SHPRH: variants seen among roughly 807,000 people sequenced by gnomAD.
The protein encoded by SHPRH is E3 ubiquitin-protein ligase SHPRH.
A neutral mutation model predicts 202.5 loss-of-function variants in SHPRH; 106 were observed. That is an observed-to-expected ratio of 0.52 (90% CI 0.45 to 0.62). The LOEUF is 0.62. Among genes scored for constraint, SHPRH ranks in the 20% least tolerant of loss-of-function variants. The pLI, the probability that SHPRH is intolerant of heterozygous loss-of-function variation, is 0.00. For synonymous variants in SHPRH, 729 were observed against 686.0 expected, an observed-to-expected ratio of 1.06 and a Z score of -0.98; for missense variants, 1,710 against 2,020.0, an observed-to-expected ratio of 0.85 and a Z score of 2.94.
At chr6:145,873,633 T>C (rs888088982) in intron 2 of SHPRH, among the ~76,000 whole-genome samples, 1 of 145,730 alleles carries the variant, frequency 6.9e-6, no homozygotes, top group Non-Finnish European at 1.5e-5. Flanking sequence ...CCCAGCAGCA[T>C]ACTGTAATTG....
At chr6:145,918,727 T>C (rs1379763205) in intron 22 of SHPRH, 5 of 152,762 alleles carry the variant, frequency 3.3e-5, no homozygotes, top group African/African-American at 1.2e-4. Context: ...TTAAGTGAGA[T>C]AGTATATAAT....
At chr6:145,882,570 G>T (rs924859344), downstream of SHPRH, among the ~76,000 whole-genome samples, 14 of 152,232 alleles carry the variant, frequency 9.2e-5, no homozygotes, top group South Asian at 8.3e-4. Context: ...ATTTACCAAA[G>T]AAGACATAAT....
At chr6:145,924,903 T>A in intron 16 of SHPRH, 57 bp from the exon 17 acceptor site, 1 of 1,412,934 alleles carries the variant, frequency 7.1e-7, no homozygotes, top group Non-Finnish European at 9.9e-7. Flanking sequence ...TAATTCAGTA[T>A]GATGTTTCAA....
At position 145,940,670 on chromosome 6, in the gene SHPRH, T is replaced by TA. The variant is rs960060033; in HGVS notation, c.2569+52dup. Reference sequence around the variant, plus strand: ...TTAAGCATAACAATACTTTTCTCTCTAAAAAATGAAGCTTTTCAAATGCAT... The same window carrying TA: ...TTAAGCATAACAATACTTTTCTCTCTAAAAAAATGAAGCTTTTCAAATGCAT... On this transcript the variant is annotated intron_variant, in intron 11 of 29. Coordinates refer to ENST00000275233, the MANE Select transcript of SHPRH (RefSeq NM_001042683.3). The TA allele has an allele frequency of 1.1e-5, 17 of 1,575,000 alleles. No individual in the cohort carries two copies. The Admixed American group carries it at 1.3e-4, about 12-fold the overall frequency.
chr6:145,915,124 T>C (rs1340052275), intron 23 of SHPRH, among the ~76,000 whole-genome samples: 3 of 147,368 alleles, frequency 2.0e-5, no homozygotes, highest in Non-Finnish European at 4.5e-5. Context: ...TAATAAAATA[T>C]AATTATAAAT....
At chr6:145,881,780 A>C (rs193075294), downstream of SHPRH, 1 of 152,354 alleles carries the variant, frequency 6.6e-6, no homozygotes, top group Admixed American at 6.5e-5. Context: ...AAGATTGAAA[A>C]AAAGGAAGTA....
At chr6:145,939,662 A>G (rs189126016) in intron 11 of SHPRH, among the ~76,000 whole-genome samples, 20 of 152,340 alleles carry the variant, frequency 1.3e-4, no homozygotes, top group Admixed American at 6.5e-4. Flanking sequence ...ACAGTTTCCA[A>G]ACATGAAAGG....
chr6:145,933,954 G>C (rs762088070), intron 13 of SHPRH, among the ~76,000 whole-genome samples: 2 of 152,084 alleles, frequency 1.3e-5, no homozygotes, highest in Non-Finnish European at 2.9e-5. Flanking sequence ...AATAAAATAA[G>C]AGCAAAAGCC....
At chr6:145,959,521 G>A (rs1257126912) in intron 1 of SHPRH, among the ~76,000 whole-genome samples, 2 of 151,940 alleles carry the variant, frequency 1.3e-5, no homozygotes, top group Admixed American at 1.3e-4. Flanking sequence ...CTCTTAAGAT[G>A]TTCACACAAC....
Position 145,951,411 on chromosome 6 carries a change from A to G in SHPRH, c.764-929T>C, listed in dbSNP as rs1025387151. Among the ~76,000 whole-genome samples the G allele has an allele frequency of 3.3e-5, 5 of 152,186 alleles. No homozygotes were observed. In the South Asian group the frequency reaches 1.0e-3, roughly 32 times the overall value. On this transcript the variant is annotated intron_variant, in intron 3 of 29. Transcript: ENST00000275233. ...TTTTTTCCAATAAATATGCCATGTAAAATTTCCAAAACTTCACAATTAATG... is the reference window on the plus strand; with the variant it reads ...TTTTTTCCAATAAATATGCCATGTAGAATTTCCAAAACTTCACAATTAATG...
chr6:145,902,071 T>C (rs1782553659), intron 25 of SHPRH, among the ~76,000 whole-genome samples: 1 of 152,072 alleles, frequency 6.6e-6, no homozygotes, highest in African/African-American at 2.4e-5. Context: ...TCTGCTCAAG[T>C]CAGCAGCCAG....
chr6:145,923,894 T>C (rs1784638790), intron 17 of SHPRH, 109 bp from the exon 18 acceptor site: 2 of 1,099,154 alleles, frequency 1.8e-6, no homozygotes, highest in Non-Finnish European at 1.3e-6. Context: ...ATAAATGCTA[T>C]TCTCAAAGGG....
intron 14 of SHPRH, among the ~76,000 whole-genome samples, chr6:145,928,164 G>A (rs1785067523): frequency 1.3e-5 from 2 of 152,094 alleles, no homozygotes; most frequent in South Asian, 4.1e-4. Context: ...TACTACAACA[G>A]CCAAGCTGAT....
intron 1 of SHPRH, among the ~76,000 whole-genome samples, chr6:145,962,372 C>T (rs1269135097): frequency 2.6e-5 from 4 of 152,178 alleles, no homozygotes; most frequent in African/African-American, 7.2e-5. Flanking sequence ...GTATTCCCTC[C>T]TTTTGAGGAC....
At chr6:145,891,341 C>T (rs1370483734) in intron 28 of SHPRH, among the ~76,000 whole-genome samples, 2 of 152,184 alleles carry the variant, frequency 1.3e-5, no homozygotes, top group Non-Finnish European at 2.9e-5. Context: ...AGCTGCATGA[C>T]TAACTTTCCC....
chr6:145,887,953 G>T, intron 29 of SHPRH, 67 bp downstream of exon 29: 3 of 1,243,814 alleles, frequency 2.4e-6, no homozygotes, highest in Non-Finnish European at 3.5e-6. Context: ...AAGTGAAGAA[G>T]TTCTAAAGAT....
chr6:145,859,353 TG>T (rs2128680761), downstream of SHPRH, among the ~76,000 whole-genome samples: 1 of 152,178 alleles, frequency 6.6e-6, no homozygotes, highest in East Asian at 1.9e-4. Context: ...TTCAAATGAT[TG>T]ATAAATCATT....
At chr6:145,939,527 C>A (rs1786507364) in intron 11 of SHPRH, among the ~76,000 whole-genome samples, 1 of 152,130 alleles carries the variant, frequency 6.6e-6, no homozygotes, top group Admixed American at 6.6e-5. Flanking sequence ...TGCTCATACT[C>A]TCTCAACATT....
At chr6:145,952,616 C>T in intron 2 of SHPRH, 138 bp from the exon 3 acceptor site, 1 of 676,546 alleles carries the variant, frequency 1.5e-6, no homozygotes, top group Non-Finnish European at 2.2e-6. Flanking sequence ...AAATACATGC[C>T]TACCAAATTT....
Sources: allele counts gnomAD v4.1 joint callset (sites outside exome capture counted in the v4.1 genomes callset), GRCh38; gene constraint gnomAD v4.1.1; transcripts MANE v1.5; gene names NCBI Gene and HGNC (gene_info 2026-07-23, HGNC 2026-07-21).